The following ZBTB20 variants were observed in gnomAD, a reference collection of about 807,000 sequenced individuals.
ZBTB20 encodes the protein zinc finger and BTB domain-containing protein 20.
A neutral mutation model predicts 56.9 loss-of-function variants in ZBTB20; 9 were observed. The ratio of observed to expected loss-of-function variants is 0.16; its 90% CI spans 0.10 to 0.28. The LOEUF (loss-of-function observed/expected upper bound fraction) is 0.28. Among genes scored for constraint, ZBTB20 ranks in the 10% least tolerant of loss-of-function variants. The pLI is 1.00. For missense variants in ZBTB20, 655 were observed against 1,003.0 expected, an observed-to-expected ratio of 0.65 and a Z score of 4.69; for synonymous variants, 417 against 420.7, an observed-to-expected ratio of 0.99 and a Z score of 0.11.
intron 1 of ZBTB20, among the ~76,000 whole-genome samples, chr3:115,108,344 T>C (rs1173705244): frequency 6.6e-6 from 1 of 152,180 alleles, no homozygotes; most frequent in Admixed American, 6.5e-5. Context: ...AACATCTTGA[T>C]AAGCTGCTGG....
chr3:114,457,347 A>G (rs776935301), intron 7 of ZBTB20, among the ~76,000 whole-genome samples: 76 of 152,200 alleles, frequency 5.0e-4, no homozygotes, highest in South Asian at 8.3e-4. Flanking sequence ...TAGTCATTAC[A>G]CGGTAGTTAT....
At chr3:114,536,830 C>A (rs2110075646) in intron 6 of ZBTB20, among the ~76,000 whole-genome samples, 1 of 152,092 alleles carries the variant, frequency 6.6e-6, no homozygotes, top group Middle Eastern at 3.4e-3. Flanking sequence ...TCCAAAATAA[C>A]ACCACACATC....
intron 2 of ZBTB20, among the ~76,000 whole-genome samples, chr3:115,036,012 C>T (rs961573827): frequency 2.0e-5 from 3 of 152,098 alleles, no homozygotes; most frequent in Admixed American, 6.6e-5. Flanking sequence ...ATATGAAGTA[C>T]TTAGGGAAAT....
intron 4 of ZBTB20, among the ~76,000 whole-genome samples, chr3:114,818,574 T>C (rs942958918): frequency 1.2e-4 from 18 of 151,962 alleles, no homozygotes; most frequent in African/African-American, 4.1e-4. Flanking sequence ...TCTATGTCCA[T>C]GAGTTACAAT....
Position 114,389,441 on chromosome 3 carries a change from C to T in ZBTB20, c.-254-336G>A, listed in dbSNP as rs1317420073. Reference sequence around the variant, plus strand: ...AGTAGAAACAGTGTCCTTCAACCTTCCCACAGTTGATTCTTCTAGTATCCT... The same window carrying T: ...AGTAGAAACAGTGTCCTTCAACCTTTCCACAGTTGATTCTTCTAGTATCCT... On this transcript the variant is annotated intron_variant, in intron 7 of 11. Coordinates refer to ENST00000675478, the MANE Select transcript of ZBTB20 (RefSeq NM_001348800.3). 2.0e-5 allele frequency among the ~76,000 whole-genome samples: 3 copies of T among 151,932 alleles called. No homozygotes were observed. In the East Asian group the frequency reaches 5.8e-4, roughly 29 times the overall value.
At chr3:114,831,289 C>T (rs977663836) in intron 4 of ZBTB20, among the ~76,000 whole-genome samples, 1 of 151,678 alleles carries the variant, frequency 6.6e-6, no homozygotes, top group African/African-American at 2.4e-5. Flanking sequence ...TGGATAAGGG[C>T]GCAAGCTCAG....
intron 5 of ZBTB20, among the ~76,000 whole-genome samples, chr3:114,726,908 T>TTA (rs2065341896): frequency 1.3e-4 from 2 of 14,856 alleles, no homozygotes; most frequent in African/African-American, 4.7e-4. Flanking sequence ...AGAGACTCCA[T>TTA]CACAAAAAAA....
chr3:114,688,770 T>A (rs1246226130), intron 6 of ZBTB20, among the ~76,000 whole-genome samples: 1 of 152,194 alleles, frequency 6.6e-6, no homozygotes, highest in Non-Finnish European at 1.5e-5. Context: ...GGTTACAGAT[T>A]TCCATACCAC....
chr3:114,503,867 G>T (rs369198125), intron 6 of ZBTB20, among the ~76,000 whole-genome samples: 1 of 152,174 alleles, frequency 6.6e-6, no homozygotes, highest in Non-Finnish European at 1.5e-5. Flanking sequence ...TGTAGTTTAT[G>T]TAAAGTTCTA....
intron 4 of ZBTB20, among the ~76,000 whole-genome samples, chr3:114,885,679 C>T (rs1290980297): frequency 6.6e-6 from 1 of 152,066 alleles, no homozygotes; most frequent in Non-Finnish European, 1.5e-5. Flanking sequence ...CATATTTTCA[C>T]ATTTAACTAT....
chr3:114,887,714 A>T (rs1375301942), intron 4 of ZBTB20, among the ~76,000 whole-genome samples: 1 of 152,186 alleles, frequency 6.6e-6, no homozygotes, highest in East Asian at 1.9e-4. Flanking sequence ...CAGAACTGTG[A>T]GAGAATAAAT....
chr3:114,686,637 C>A, intron 6 of ZBTB20, among the ~76,000 whole-genome samples: 1 of 152,122 alleles, frequency 6.6e-6, no homozygotes, highest in East Asian at 1.9e-4. Context: ...TTCTAATATA[C>A]CTTTCTCTAT....
intron 4 of ZBTB20, among the ~76,000 whole-genome samples, chr3:114,885,295 T>C (rs1414389219): frequency 6.6e-6 from 1 of 152,210 alleles, no homozygotes; most frequent in African/African-American, 2.4e-5. Flanking sequence ...GTACACAAGA[T>C]CTTCCCTTGA....
At chr3:114,759,867 C>G (rs2068309810) in intron 5 of ZBTB20, among the ~76,000 whole-genome samples, 1 of 152,044 alleles carries the variant, frequency 6.6e-6, no homozygotes, top group African/African-American at 2.4e-5. Flanking sequence ...TGGGCTTGAA[C>G]AAAGCCACCA....
intron 7 of ZBTB20, among the ~76,000 whole-genome samples, chr3:114,454,340 C>A (rs187804874): frequency 6.6e-6 from 1 of 151,758 alleles, no homozygotes; most frequent in South Asian, 2.1e-4. Context: ...GGTAACCCCC[C>A]AGGGGTGCAC....
At chr3:114,885,858 T>C (rs1026968096) in intron 4 of ZBTB20, among the ~76,000 whole-genome samples, 4 of 152,196 alleles carry the variant, frequency 2.6e-5, no homozygotes, top group Non-Finnish European at 5.9e-5. Flanking sequence ...AAAAGAAATG[T>C]TCAGTAGATG....
chr3:114,593,140 T>C lies in ZBTB20; in HGVS notation c.-294-92749A>G, dbSNP rs535336667. ...AACAACGACACTGTCCCCTGGGATA[T>C]GTGAATTGAAAATTCAGTGTCAACC... is the stretch of plus-strand genomic sequence containing the variant. On this transcript the variant is annotated intron_variant, in intron 6 of 11. Transcript: ENST00000675478. 5.9e-5 allele frequency among the ~76,000 whole-genome samples: 9 copies of C among 152,316 alleles called. No homozygotes were observed. The East Asian group carries it at 1.7e-3, about 29-fold the overall frequency.
chr3:114,413,551 A>G (rs1375313982), intron 7 of ZBTB20, among the ~76,000 whole-genome samples: 1 of 152,158 alleles, frequency 6.6e-6, no homozygotes, highest in Non-Finnish European at 1.5e-5. Flanking sequence ...CTGTGATCAG[A>G]AAATGAATGC....
chr3:114,772,751 T>A (rs1448069154), intron 5 of ZBTB20, among the ~76,000 whole-genome samples: 2 of 150,798 alleles, frequency 1.3e-5, no homozygotes, highest in East Asian at 1.9e-4. Flanking sequence ...TTAGAATTCA[T>A]CTGTGGGAGG....
Sources: gnomAD v4.1 joint callset for allele counts (sites outside exome capture counted in the v4.1 genomes callset) on GRCh38, gnomAD v4.1.1 for gene constraint, MANE v1.5 for transcripts, NCBI Gene and HGNC (gene_info 2026-07-23, HGNC 2026-07-21) for gene names.